SIPA1L2: variants seen among roughly 807,000 people sequenced by gnomAD.
SIPA1L2 encodes signal-induced proliferation-associated 1-like protein 2.
In SIPA1L2, 56 loss-of-function variants were observed where a neutral mutation model predicts 163.9. That is an observed-to-expected ratio of 0.34 (90% CI 0.28 to 0.43). The LOEUF (loss-of-function observed/expected upper bound fraction) is 0.43, where lower values mean the gene tolerates loss of function less well. Among genes scored for constraint, SIPA1L2 ranks in the 20% least tolerant of loss-of-function variants. SIPA1L2 has a pLI of 1.00. For missense variants in SIPA1L2, 1,974 were observed against 2,193.5 expected, an observed-to-expected ratio of 0.90 and a Z score of 2.00; for synonymous variants, 877 against 865.7, an observed-to-expected ratio of 1.01 and a Z score of -0.23.
intron 2 of SIPA1L2, among the ~76,000 whole-genome samples, chr1:232,571,255 A>C (rs1486664511): frequency 6.6e-6 from 1 of 152,250 alleles, no homozygotes; most frequent in East Asian, 1.9e-4. Flanking sequence ...ACGATAAAAC[A>C]CTTTTTTTAA....
At chr1:232,592,600 A>T (rs1265862106) in intron 1 of SIPA1L2, among the ~76,000 whole-genome samples, 1 of 152,188 alleles carries the variant, frequency 6.6e-6, no homozygotes, top group African/African-American at 2.4e-5. Context: ...ACTAAGAAAA[A>T]CTTAGTGAAT....
chr1:232,513,822 C>T (rs773654845), intron 3 of SIPA1L2, 35 bp downstream of exon 3: 6 of 1,528,356 alleles, frequency 3.9e-6, no homozygotes, highest in South Asian at 2.7e-5. Flanking sequence ...AAACTACTCC[C>T]GAGACACATG....
At chr1:232,548,394 G>A (rs1287536148) in intron 2 of SIPA1L2, among the ~76,000 whole-genome samples, 11 of 152,172 alleles carry the variant, frequency 7.2e-5, no homozygotes, top group Admixed American at 2.0e-4. Flanking sequence ...TCCAACCTCT[G>A]TACATACTTG....
intron 2 of SIPA1L2, among the ~76,000 whole-genome samples, chr1:232,549,015 A>T (rs1001467564): frequency 6.6e-6 from 1 of 152,198 alleles, no homozygotes; most frequent in African/African-American, 2.4e-5. Flanking sequence ...GAAAAAGGGG[A>T]TTCTGCAAGA....
chr1:232,508,516 C>A (rs562742273), intron 3 of SIPA1L2, among the ~76,000 whole-genome samples: 27 of 152,344 alleles, frequency 1.8e-4, no homozygotes, highest in African/African-American at 6.0e-4. Flanking sequence ...CAGAAGGAGG[C>A]AAAGCCTGCT....
At position 232,525,233 on chromosome 1, in the gene SIPA1L2, CTTTTTTTTTT is replaced by C. The variant is rs11389753; in HGVS notation, c.-269-9635_-269-9626del. Among the ~76,000 whole-genome samples the C allele has an allele frequency of 7.3e-3, 751 of 102,942 alleles. 3 individuals carry two copies. Among genetic ancestry groups the C allele is most frequent in the Non-Finnish European group, 9.5e-3 (529 of 55,774 alleles). The allele number at this position is 102,942 out of a possible 152,430, so 67.5% of individuals were successfully genotyped here. On this transcript the variant is annotated intron_variant, in intron 2 of 22. Transcript: ENST00000674635. Reference sequence around the variant, plus strand: ...GAAATTTTTGTTAGAATAATAATAGCTTTTTTTTTTTTTTTTTTTGGAGACGGAGTCTTGC... The same window carrying C: ...GAAATTTTTGTTAGAATAATAATAGCTTTTTTTTTGGAGACGGAGTCTTGC...
chr1:232,452,977 G>A (rs1663675272), intron 10 of SIPA1L2, among the ~76,000 whole-genome samples: 1 of 152,048 alleles, frequency 6.6e-6, no homozygotes. Flanking sequence ...CAAAAAGGGG[G>A]AAACCAACAT....
chr1:232,426,520 C>T (rs939598834), intron 17 of SIPA1L2, among the ~76,000 whole-genome samples: 4 of 152,122 alleles, frequency 2.6e-5, no homozygotes, highest in Admixed American at 6.5e-5. Context: ...ATTAGCTGGG[C>T]ATGGTGATGC....
At chr1:232,454,441 G>A (rs1663774259) in intron 10 of SIPA1L2, among the ~76,000 whole-genome samples, 1 of 152,232 alleles carries the variant, frequency 6.6e-6, no homozygotes, top group Non-Finnish European at 1.5e-5. Context: ...CTGGACAGAA[G>A]CTCAGCACGT....
At chr1:232,628,560 C>T (rs1028657217) in intron 1 of SIPA1L2, among the ~76,000 whole-genome samples, 2 of 152,178 alleles carry the variant, frequency 1.3e-5, no homozygotes, top group Non-Finnish European at 2.9e-5. Context: ...AATACAGTAA[C>T]CAAGTTGTCT....
intron 1 of SIPA1L2, among the ~76,000 whole-genome samples, chr1:232,599,841 T>G (rs1661500935): frequency 6.6e-6 from 1 of 152,232 alleles, no homozygotes; most frequent in East Asian, 1.9e-4. Flanking sequence ...CAGAAGTGCA[T>G]GCTCGAAAGT....
intron 2 of SIPA1L2, among the ~76,000 whole-genome samples, chr1:232,540,774 T>C (rs1431504390): frequency 6.6e-6 from 1 of 152,068 alleles, no homozygotes; most frequent in Non-Finnish European, 1.5e-5. Context: ...TGAAATACGG[T>C]GATAAAATTT....
At chr1:232,601,932 TGG>T (rs1473376037) in intron 1 of SIPA1L2, among the ~76,000 whole-genome samples, 159 of 152,348 alleles carry the variant, frequency 1.0e-3, no homozygotes, top group South Asian at 8.3e-3. Flanking sequence ...ATTTAAAATA[TGG>T]GATGTCACCT....
intron 2 of SIPA1L2, among the ~76,000 whole-genome samples, chr1:232,527,725 C>CTTT (rs57868657): frequency 0.024 from 1,982 of 80,900 alleles, 100 homozygotes; most frequent in African/African-American, 0.03. Context: ...TCTTCTTCTT[C>CTTT]TTTTTTTTTT....
At chr1:232,468,064 A>G (rs1664614869) in intron 8 of SIPA1L2, among the ~76,000 whole-genome samples, 1 of 152,236 alleles carries the variant, frequency 6.6e-6, no homozygotes, top group Admixed American at 6.5e-5. Context: ...TGGCTATTCC[A>G]TGATTGTTAT....
chr1:232,628,905 T>C (rs1008411253), intron 1 of SIPA1L2, among the ~76,000 whole-genome samples: 1 of 150,802 alleles, frequency 6.6e-6, no homozygotes, highest in Non-Finnish European at 1.5e-5. Context: ...CCAAGATTCT[T>C]TGAGGGTTTT....
chr1:232,530,703 T>C (rs1415150166), intron 2 of SIPA1L2, among the ~76,000 whole-genome samples: 1 of 152,254 alleles, frequency 6.6e-6, no homozygotes, highest in African/African-American at 2.4e-5. Flanking sequence ...CCAGAGATTC[T>C]GGTTCAGAGG....
chr1:232,551,775 T>C (rs1403183084), intron 2 of SIPA1L2, among the ~76,000 whole-genome samples: 1 of 152,250 alleles, frequency 6.6e-6, no homozygotes, highest in African/African-American at 2.4e-5. Context: ...GCTGATGAGT[T>C]GAGCCTTAAA....
At chr1:232,586,906 T>C (rs1660685859) in intron 1 of SIPA1L2, among the ~76,000 whole-genome samples, 1 of 152,234 alleles carries the variant, frequency 6.6e-6, no homozygotes, top group African/African-American at 2.4e-5. Context: ...AAGTGAATAA[T>C]GATAAAGACT....
Sources: allele counts gnomAD v4.1 joint callset (sites outside exome capture counted in the v4.1 genomes callset), GRCh38; gene constraint gnomAD v4.1.1; transcripts MANE v1.5; gene names NCBI Gene and HGNC (gene_info 2026-07-23, HGNC 2026-07-21).